IARS1: variants seen among roughly 807,000 people sequenced by gnomAD.
The protein encoded by IARS1 is isoleucyl-tRNA synthetase 1, also known as isoleucine--tRNA ligase, cytoplasmic.
A neutral mutation model predicts 168.2 loss-of-function variants in IARS1; 124 were observed. The ratio of observed to expected loss-of-function variants is 0.74; its 90% CI spans 0.64 to 0.86. The LOEUF (loss-of-function observed/expected upper bound fraction) is 0.86. Ranked by LOEUF, IARS1 falls within the 40% of genes least tolerant of loss-of-function variation. IARS1 has a pLI of 0.00. For synonymous variants in IARS1, 532 were observed against 529.4 expected, an observed-to-expected ratio of 1.00 and a Z score of -0.07; for missense variants, 1,452 against 1,515.8, an observed-to-expected ratio of 0.96 and a Z score of 0.70.
chr9:92,216,406 A>G (rs1838698699), intron 33 of IARS1, among the ~76,000 whole-genome samples: 1 of 149,606 alleles, frequency 6.7e-6, no homozygotes, highest in East Asian at 1.9e-4. Flanking sequence ...TGACAGGATC[A>G]AATTCACACA....
At chr9:92,253,938 G>A in intron 20 of IARS1, 1 of 452,112 alleles carries the variant, frequency 2.2e-6, no homozygotes, top group Non-Finnish European at 4.4e-6. Context: ...TATCCCATGG[G>A]AAACATTTGT....
In IARS1 at chr9:92,210,634, T is replaced by A. The variant is rs1058751; in HGVS notation, c.*173A>T. On this transcript the variant is annotated 3_prime_UTR_variant, in exon 34 of 34. Coordinates refer to ENST00000443024, the MANE Select transcript of IARS1 (RefSeq NM_002161.6). ...GTTAAGTGTGAAGATTACTGTGAGG[T>A]CTCAAGTTACTTGACTAATCAATCC... The A allele has an allele frequency of 0.12, 69,002 of 560,654 alleles. 4,894 individuals carry two copies. Among genetic ancestry groups the A allele is most frequent in the South Asian group, 0.21 (8,568 of 40,076 alleles). The allele number at this position is 560,654 out of a possible 1,614,324, so 34.7% of individuals were successfully genotyped here. A position where few individuals can be genotyped will look rare whatever the true frequency, so the allele number is the denominator to read the frequency against.
At chr9:92,245,131 C>T in intron 26 of IARS1, 60 bp from the exon 27 acceptor site, 1 of 1,310,446 alleles carries the variant, frequency 7.6e-7, no homozygotes, top group Non-Finnish European at 1.1e-6. Flanking sequence ...TGCCCCACTA[C>T]CCGTGTATTA....
At chr9:92,268,998 T>G (rs1832670576) in intron 13 of IARS1, among the ~76,000 whole-genome samples, 1 of 152,204 alleles carries the variant, frequency 6.6e-6, no homozygotes, top group South Asian at 2.1e-4. Flanking sequence ...TCTTGGGCAC[T>G]GCAGTTACTG....
At chr9:92,282,202 A>G (rs1050814018) in intron 6 of IARS1, among the ~76,000 whole-genome samples, 1 of 152,246 alleles carries the variant, frequency 6.6e-6, no homozygotes, top group African/African-American at 2.4e-5. Flanking sequence ...AGAAGGATAA[A>G]GCAAATGTGG....
At chr9:92,230,248 T>A (rs1826456052) in intron 30 of IARS1, among the ~76,000 whole-genome samples, 2 of 152,066 alleles carry the variant, frequency 1.3e-5, no homozygotes, top group African/African-American at 4.8e-5. Flanking sequence ...GTAGCTGGGA[T>A]TACAAGCACC....
At chr9:92,235,764 A>G (rs1048729629) in intron 30 of IARS1, among the ~76,000 whole-genome samples, 8 of 151,618 alleles carry the variant, frequency 5.3e-5, no homozygotes, top group African/African-American at 4.8e-5. Flanking sequence ...TGACCTTGTG[A>G]TCCACCCGCC....
intron 14 of IARS1, among the ~76,000 whole-genome samples, chr9:92,266,134 T>G (rs1481012810): frequency 6.6e-6 from 1 of 152,246 alleles, no homozygotes; most frequent in Non-Finnish European, 1.5e-5. Context: ...AGAGAGAATC[T>G]TAAACATTCA....
Position 92,293,597 on chromosome 9 carries a change from A to G in IARS1, c.-8+14T>C. On this transcript the variant is annotated intron_variant, in intron 1 of 33. Coordinates refer to ENST00000443024, the MANE Select transcript of IARS1 (RefSeq NM_002161.6). ...TCTTTGAGGGCCGGATCCTGCAGGGAAGAGAGGGCGTACCTGAGGGGCCTC... is the reference window on the plus strand; with the variant it reads ...TCTTTGAGGGCCGGATCCTGCAGGGGAGAGAGGGCGTACCTGAGGGGCCTC... The G allele has an allele frequency of 2.6e-6, 1 of 387,222 alleles. No homozygotes were observed. Among genetic ancestry groups the G allele is most frequent in the Middle Eastern group, 4.7e-4 (1 of 2,106 alleles). 24.0% of individuals were successfully genotyped at this position (387,222 alleles called of 1,614,324 possible).
chr9:92,278,035 CATGCTGT>C, intron 8 of IARS1, 112 bp from the exon 9 acceptor site: 16 of 1,142,724 alleles, frequency 1.4e-5, no homozygotes, highest in Non-Finnish European at 2.0e-5. Flanking sequence ...CCTAGCCATT[CATGCTGT>C]AATGTGTGAC....
chr9:92,244,134 C>T (rs561545970), intron 27 of IARS1, among the ~76,000 whole-genome samples: 3 of 152,132 alleles, frequency 2.0e-5, no homozygotes, highest in South Asian at 4.2e-4. Flanking sequence ...AGAAGCATCA[C>T]ATGACACTTT....
chr9:92,228,012 T>G (rs1312877129), intron 31 of IARS1, among the ~76,000 whole-genome samples: 1 of 151,930 alleles, frequency 6.6e-6, no homozygotes, highest in African/African-American at 2.4e-5. Context: ...TGTAGCGAGC[T>G]GAGATCACGC....
chr9:92,271,017 G>A lies in IARS1; in HGVS notation c.1173C>T (p.Thr391=), dbSNP rs1245403952. The change falls in exon 12 of 34, where the codon ACC becomes ACT. Residue 391 remains threonine (T), a synonymous_variant. Transcript: ENST00000443024. ...AAAAAGGGTAGCTGTGAGTGAAGGT[G>A]GTGGCAACCAGAAGTCGGCCTTGTT... The part of the protein sequence containing the change: ...LKEQGRLLVA[T]TFTHSYPFCW... 1 of 1,612,230 alleles carries A rather than the reference G, an allele frequency of 6.2e-7. No homozygotes were observed. Among genetic ancestry groups the A allele is most frequent in the Non-Finnish European group, 8.5e-7 (1 of 1,178,986 alleles).
Position 92,265,087 on chromosome 9 carries a change from C to A in IARS1, c.1542G>T (p.Lys514Asn), listed in dbSNP as rs1355951321. The A allele has an allele frequency of 6.2e-7, 1 of 1,613,958 alleles. No individual in the cohort carries two copies. Among genetic ancestry groups the A allele is most frequent in the Non-Finnish European group, 8.5e-7 (1 of 1,179,950 alleles). Residue 514 changes from lysine (K) to asparagine (N), a missense_variant, in exon 16 of 34, where the codon AAG becomes AAT. Lys to Asn is a moderately conservative substitution (Grantham distance 94). Transcript: ENST00000443024. Reference sequence around the variant, plus strand: ...CTTCAGAGATGCGGTGCAAGGATCCCTTCCCACAGCGTGAAGGAATGGTCA... The same window carrying A: ...CTTCAGAGATGCGGTGCAAGGATCCATTCCCACAGCGTGAAGGAATGGTCA... ...DHLTIPSRCG[K>N]GSLHRISEVF...
At position 92,240,867 on chromosome 9, in the gene IARS1, C is replaced by T; in HGVS notation, c.3272G>A (p.Gly1091Asp). Residue 1091 changes from glycine (G) to aspartate (D), a missense_variant, in exon 30 of 34, where the codon GGC (glycine) becomes GAC (aspartate). Transcript: ENST00000443024. ...AYVNLNICAN[G>D]SEQGGVLLLE... Reference sequence around the variant, plus strand: ...GAATTTACTCTTACCTTGTTCACTGCCATTTGCACAAATGTTAAGATTGAC... The same window carrying T: ...GAATTTACTCTTACCTTGTTCACTGTCATTTGCACAAATGTTAAGATTGAC... 1 of 1,603,216 alleles carries T rather than the reference C, an allele frequency of 6.2e-7. No individual in the cohort carries two copies. Among genetic ancestry groups the T allele is most frequent in the African/African-American group, 1.3e-5 (1 of 74,788 alleles).
chr9:92,213,266 T>C (rs2133309136), intron 33 of IARS1, among the ~76,000 whole-genome samples: 1 of 152,232 alleles, frequency 6.6e-6, no homozygotes, highest in Middle Eastern at 3.4e-3. Flanking sequence ...CTCCGGTATA[T>C]ACAAACCGGG....
Position 92,263,057 on chromosome 9 carries a change from T to C in IARS1, c.1701-2A>G. Reference sequence around the variant, plus strand: ...GCCAGCACCAGCAGGGTATAAAACCTGAAAAAAAACCCCAAACAGTTCAAT... The same window carrying C: ...GCCAGCACCAGCAGGGTATAAAACCCGAAAAAAAACCCCAAACAGTTCAAT... On this transcript the variant is annotated splice_acceptor_variant, in intron 16 of 33. Coordinates refer to ENST00000443024, the MANE Select transcript of IARS1 (RefSeq NM_002161.6). LOFTEE classifies it high-confidence loss of function. 1 of 1,609,556 alleles carries C rather than the reference T, an allele frequency of 6.2e-7. No homozygotes were observed. Among genetic ancestry groups the C allele is most frequent in the Non-Finnish European group, 8.5e-7 (1 of 1,176,892 alleles).
intron 12 of IARS1, among the ~76,000 whole-genome samples, chr9:92,270,330 T>C (rs1486859552): frequency 6.6e-6 from 1 of 152,204 alleles, no homozygotes; most frequent in East Asian, 1.9e-4. Context: ...TTTTACAGCA[T>C]GGTCTTATAT....
chr9:92,265,336 C>T (rs926123522), intron 15 of IARS1, 144 bp downstream of exon 15: 6 of 834,372 alleles, frequency 7.2e-6, no homozygotes, highest in Non-Finnish European at 9.7e-6. Context: ...GGACAGAGGC[C>T]ACAATACTGC....
Sources: allele counts gnomAD v4.1 joint callset (sites outside exome capture counted in the v4.1 genomes callset), GRCh38; gene constraint gnomAD v4.1.1; transcripts MANE v1.5; gene names NCBI Gene and HGNC (gene_info 2026-07-23, HGNC 2026-07-21).